KATNAL1: variants seen among roughly 807,000 people sequenced by gnomAD.
KATNAL1 encodes the protein katanin p60 ATPase-containing subunit A-like 1.
KATNAL1 carries 32 observed loss-of-function variants against 55.2 expected under a neutral mutation model. That is an observed-to-expected ratio of 0.58 (90% CI 0.44 to 0.78). The LOEUF (loss-of-function observed/expected upper bound fraction) is 0.78. KATNAL1 is among the 30% of genes least tolerant of loss of function. The pLI is 0.00. For synonymous variants in KATNAL1, 193 were observed against 193.6 expected, an observed-to-expected ratio of 1.00 and a Z score of 0.02; for missense variants, 466 against 600.9, an observed-to-expected ratio of 0.78 and a Z score of 2.35.
At chr13:30,223,461 A>C (rs1593844284) in intron 9 of KATNAL1, among the ~76,000 whole-genome samples, 1 of 150,768 alleles carries the variant, frequency 6.6e-6, no homozygotes. Flanking sequence ...AAAAAAAAAA[A>C]AAAAAACTGC....
chr13:30,237,451 A>C (rs1310244553), intron 6 of KATNAL1, among the ~76,000 whole-genome samples: 1 of 152,204 alleles, frequency 6.6e-6, no homozygotes, highest in Non-Finnish European at 1.5e-5. Context: ...ATATGTTTAT[A>C]TACTTCAGCA....
At chr13:30,271,891 A>AC (rs1238365492) in intron 3 of KATNAL1, among the ~76,000 whole-genome samples, 3 of 151,286 alleles carry the variant, frequency 2.0e-5, no homozygotes, top group Non-Finnish European at 4.4e-5. Flanking sequence ...AAAAAAAAAA[A>AC]AAAAAAAAAC....
intron 3 of KATNAL1, among the ~76,000 whole-genome samples, chr13:30,277,914 C>T (rs1266966489): frequency 3.1e-5 from 4 of 128,712 alleles, no homozygotes; most frequent in African/African-American, 8.9e-5. Context: ...ACCCGGGAGG[C>T]GGAGCTTGCA....
chr13:30,208,899 A>G (rs929453549), intron 10 of KATNAL1, among the ~76,000 whole-genome samples, 161 bp from the exon 11 acceptor site: 1 of 152,216 alleles, frequency 6.6e-6, no homozygotes, highest in South Asian at 2.1e-4. Context: ...GGTTCAGCAG[A>G]AGTTAAGACA....
At chr13:30,222,221 C>G (rs536271655) in intron 9 of KATNAL1, among the ~76,000 whole-genome samples, 1 of 151,998 alleles carries the variant, frequency 6.6e-6, no homozygotes, top group African/African-American at 2.4e-5. Flanking sequence ...CACTGAACCG[C>G]GACACTGCCC....
rs745335239 is a variant in KATNAL1 at position 30,240,987 on chromosome 13, T to C, written c.592A>G (p.Ile198Val). The C allele has an allele frequency of 6.2e-7, 1 of 1,613,282 alleles. No individual in the cohort carries two copies. Among genetic ancestry groups the C allele is most frequent in the South Asian group, 1.1e-5 (1 of 91,008 alleles). Residue 198 changes from isoleucine (I) to valine (V), a missense_variant, in exon 5 of 11, where the codon ATT becomes GTT. Ile to Val is a conservative substitution (Grantham distance 29). Transcript: ENST00000380615. ...KDLVEALERD[I>V]VSRNPSIHWD... ...TGAATGCTAGGATTCCTGGATACAA[T>C]GTCTCTTTCAAGGGCTTCCACCAGA...
At chr13:30,247,988 A>G (rs1877948658) in intron 4 of KATNAL1, among the ~76,000 whole-genome samples, 1 of 152,212 alleles carries the variant, frequency 6.6e-6, no homozygotes, top group African/African-American at 2.4e-5. Context: ...TATAAGAAAT[A>G]CCAAATACCA....
At chr13:30,239,821 G>A (rs891470049) in intron 6 of KATNAL1, among the ~76,000 whole-genome samples, 2 of 151,740 alleles carry the variant, frequency 1.3e-5, no homozygotes, top group African/African-American at 4.8e-5. Context: ...GAGTAGCTGG[G>A]ATTACAGGCA....
chr13:30,228,619 T>G (rs892422820), intron 8 of KATNAL1, among the ~76,000 whole-genome samples: 1 of 152,240 alleles, frequency 6.6e-6, no homozygotes, highest in African/African-American at 2.4e-5. Flanking sequence ...CTCTCATACT[T>G]TAGCAAAAGT....
At chr13:30,297,319 A>G (rs9506285) in intron 1 of KATNAL1, among the ~76,000 whole-genome samples, 44,104 of 152,032 alleles carry the variant, frequency 0.29, 6,573 homozygotes, top group East Asian at 0.34. Context: ...CCCCCCACCA[A>G]TAAAAAGATT....
At position 30,293,737 on chromosome 13, in the gene KATNAL1, C is replaced by A. The variant is rs571060944; in HGVS notation, c.-14-9946G>T. ...CTGTTCCCTTCTCCCTACACAGGCCCACCTCAGTTTACCGCGCCTCATTTT... is the reference window on the plus strand; with the variant it reads ...CTGTTCCCTTCTCCCTACACAGGCCAACCTCAGTTTACCGCGCCTCATTTT... On this transcript the variant is annotated intron_variant, in intron 1 of 10. Transcript: ENST00000380615. 1.2e-4 allele frequency among the ~76,000 whole-genome samples: 19 copies of A among 152,238 alleles called. No homozygotes were observed. The South Asian group carries it at 3.5e-3, about 28-fold the overall frequency.
Position 30,230,604 on chromosome 13 carries a change from A to T in KATNAL1, c.886-10T>A. 1.3e-6 allele frequency: 2 copies of T among 1,572,204 alleles called. No individual in the cohort carries two copies. Among genetic ancestry groups the T allele is most frequent in the Non-Finnish European group, 1.7e-6 (2 of 1,156,158 alleles). Reference sequence around the variant, plus strand: ...GGGCATAAAATCTAGCCTTTATGAAAATATTTTAAAGAAATCATTCAATAA... The same window carrying T: ...GGGCATAAAATCTAGCCTTTATGAATATATTTTAAAGAAATCATTCAATAA... On this transcript the variant is annotated splice_polypyrimidine_tract_variant and intron_variant, in intron 7 of 10. Coordinates refer to ENST00000380615, the MANE Select transcript of KATNAL1 (RefSeq NM_032116.5).
At chr13:30,218,113 G>C (rs1395587674) in intron 9 of KATNAL1, among the ~76,000 whole-genome samples, 1 of 151,608 alleles carries the variant, frequency 6.6e-6, no homozygotes, top group Non-Finnish European at 1.5e-5. Flanking sequence ...AGCAGAATGG[G>C]GGAAAAAGGT....
At chr13:30,244,117 TC>T (rs1877550897) in intron 4 of KATNAL1, among the ~76,000 whole-genome samples, 2 of 151,794 alleles carry the variant, frequency 1.3e-5, no homozygotes, top group Non-Finnish European at 2.9e-5. Flanking sequence ...TGTGTGATGT[TC>T]CCCTCCCTGT....
intron 3 of KATNAL1, among the ~76,000 whole-genome samples, chr13:30,260,035 C>T (rs1879139003): frequency 6.6e-6 from 1 of 152,228 alleles, no homozygotes; most frequent in Admixed American, 6.5e-5. Context: ...TGAGAACAGG[C>T]AGACTGCCTC....
At chr13:30,291,446 G>C (rs1882127625) in intron 1 of KATNAL1, among the ~76,000 whole-genome samples, 1 of 152,200 alleles carries the variant, frequency 6.6e-6, no homozygotes, top group African/African-American at 2.4e-5. Flanking sequence ...GTGTGTATGT[G>C]TTTATGAATA....
Position 30,283,656 on chromosome 13 carries a change from T to C in KATNAL1, c.122A>G (p.Gln41Arg), listed in dbSNP as rs760991949. Residue 41 changes from glutamine to arginine, a missense_variant, in exon 2 of 11, where the codon CAG (glutamine) becomes CGG (arginine). Gln to Arg is a conservative substitution (Grantham distance 43, BLOSUM62 1). Coordinates refer to ENST00000380615, the MANE Select transcript of KATNAL1 (RefSeq NM_032116.5). ...GVMQQIQRHCQSVRDPAIKGK... is the reference protein window; with the variant it reads ...GVMQQIQRHCRSVRDPAIKGK... ...TTTGATAGCTGGATCTCTGACTGAC[T>C]GGCAATGTCTCTGAATCTGCTGCAT... The C allele has an allele frequency of 1.2e-6, 2 of 1,614,008 alleles. No individual in the cohort carries two copies. The highest frequency in any genetic ancestry group is 2.2e-5 in the South Asian group (2 of 91,054).
intron 5 of KATNAL1, 132 bp downstream of exon 5, chr13:30,240,827 C>T (rs1437549683): frequency 4.4e-5 from 39 of 884,330 alleles, no homozygotes; most frequent in Non-Finnish European, 5.9e-5. Context: ...ACTGTCTCGT[C>T]AATTCTATAC....
At position 30,307,405 on chromosome 13, in the gene KATNAL1, C is replaced by G. The variant is rs1049744160; in HGVS notation, c.-89G>C. On this transcript the variant is annotated 5_prime_UTR_variant, in exon 1 of 11. Coordinates refer to ENST00000380615, the MANE Select transcript of KATNAL1 (RefSeq NM_032116.5). ...GCGGGTGGGGCGCAGGCCGCCGCCGCCGCCGCCGCCGAGTCCGTTAGCTCG... is the reference window on the plus strand; with the variant it reads ...GCGGGTGGGGCGCAGGCCGCCGCCGGCGCCGCCGCCGAGTCCGTTAGCTCG... 1.3e-5 allele frequency: 2 copies of G among 155,680 alleles called. No homozygotes were observed. The highest frequency in any genetic ancestry group is 2.8e-5 in the Non-Finnish European group (2 of 70,436). 9.6% of individuals were successfully genotyped at this position (155,680 alleles called of 1,614,324 possible).
Sources: allele counts gnomAD v4.1 joint callset (sites outside exome capture counted in the v4.1 genomes callset), GRCh38; gene constraint gnomAD v4.1.1; transcripts MANE v1.5; gene names NCBI Gene and HGNC (gene_info 2026-07-23, HGNC 2026-07-21).